SHROOM2: variants seen among roughly 807,000 people sequenced by gnomAD.
SHROOM2 encodes the protein shroom family member 2.
Under a neutral mutation model 75.9 loss-of-function variants are expected in SHROOM2, and 33 were observed. The observed-to-expected ratio is 0.43, with a 90% confidence interval of 0.33 to 0.58. The LOEUF (loss-of-function observed/expected upper bound fraction) is 0.58. SHROOM2 is among the 20% of genes least tolerant of loss of function. SHROOM2 has a pLI of 0.04. For missense variants in SHROOM2, 1,434 were observed against 1,461.2 expected (o/e 0.98, Z 0.30); for synonymous variants, 655 against 663.6 (o/e 0.99, Z 0.20).
intron 6 of SHROOM2, among the ~76,000 whole-genome samples, chrX:9,936,247 G>A (rs2084704610): frequency 9.1e-6 from 1 of 109,937 alleles, no homozygotes; most frequent in Admixed American, 9.7e-5. Context: ...GAGTAGGTGG[G>A]ATTACAGGTG....
At chrX:9,811,414 A>T (rs1167447353) in intron 1 of SHROOM2, among the ~76,000 whole-genome samples, 1 of 112,060 alleles carries the variant, frequency 8.9e-6, no homozygotes, top group African/African-American at 3.2e-5. Context: ...TATCCAGTTG[A>T]TTATTAAAAT....
intron 1 of SHROOM2, among the ~76,000 whole-genome samples, chrX:9,859,537 C>T (rs138392388): frequency 3.4e-3 from 381 of 111,452 alleles, no homozygotes; most frequent in African/African-American, 0.012. Flanking sequence ...TGTACAGAGT[C>T]CCTTGGTGGA....
At chrX:9,842,180 G>C (rs2083982637) in intron 1 of SHROOM2, among the ~76,000 whole-genome samples, 1 of 111,504 alleles carries the variant, frequency 9.0e-6, no homozygotes, top group Non-Finnish European at 1.9e-5. Context: ...AACTTCCTGA[G>C]ATTCATTTCT....
intron 1 of SHROOM2, chrX:9,865,554 C>CTTTTT (rs56790591): frequency 3.5e-4 from 15 of 42,610 alleles, no homozygotes; most frequent in African/African-American, 1.1e-3. Context: ...TTCCTGCTGC[C>CTTTTT]TTTTTTTTTT....
chrX:9,913,564 C>G (rs903689230), intron 5 of SHROOM2, among the ~76,000 whole-genome samples: 2 of 112,147 alleles, frequency 1.8e-5, no homozygotes, highest in Admixed American at 9.5e-5. Context: ...TGCAGAGGGT[C>G]GATGGCATTT....
chrX:9,840,810 T>A (rs904608137), intron 1 of SHROOM2, among the ~76,000 whole-genome samples: 1 of 112,075 alleles, frequency 8.9e-6, no homozygotes. Flanking sequence ...CCCCCCTCAC[T>A]TCTTTATACT....
At chrX:9,903,757 C>T (rs2084377094) in intron 5 of SHROOM2, among the ~76,000 whole-genome samples, 1 of 110,506 alleles carries the variant, frequency 9.0e-6, no homozygotes, top group Non-Finnish European at 1.9e-5. Flanking sequence ...GTTGCCCAAG[C>T]TGGTCTTGAA....
chrX:9,823,074 C>CT (rs1555924325), intron 1 of SHROOM2, among the ~76,000 whole-genome samples: 1 of 20,187 alleles, frequency 5.0e-5, no homozygotes, highest in Non-Finnish European at 1.1e-4. Context: ...TCCTCCTCCT[C>CT]CCTTCTCCCT....
intron 1 of SHROOM2, among the ~76,000 whole-genome samples, chrX:9,851,266 C>T (rs2084037923): frequency 9.0e-6 from 1 of 110,907 alleles, no homozygotes. Context: ...GCCTTGGCTT[C>T]TCTAAGTATT....
At chrX:9,921,106 G>T (rs1404843798) in intron 5 of SHROOM2, among the ~76,000 whole-genome samples, 2 of 111,094 alleles carry the variant, frequency 1.8e-5, no homozygotes, top group Non-Finnish European at 3.8e-5. Context: ...CCATATGTCT[G>T]TTGGCAGGAG....
intron 1 of SHROOM2, among the ~76,000 whole-genome samples, chrX:9,799,657 T>C (rs895251412): frequency 1.8e-5 from 2 of 110,737 alleles, no homozygotes; most frequent in Non-Finnish European, 3.8e-5. Flanking sequence ...TGCCATCTAC[T>C]AGAAGGTTGG....
At chrX:9,929,942 T>G (rs1280968553) in intron 5 of SHROOM2, among the ~76,000 whole-genome samples, 6 of 111,304 alleles carry the variant, frequency 5.4e-5, no homozygotes. Flanking sequence ...TCCTCCGTTT[T>G]CTCTTGCCAC....
intron 5 of SHROOM2, among the ~76,000 whole-genome samples, chrX:9,920,268 T>C (rs2084533451): frequency 1.8e-5 from 2 of 112,608 alleles, no homozygotes; most frequent in Admixed American, 1.9e-4. Flanking sequence ...CACTGAGTTT[T>C]ATGGTCTGTG....
At chrX:9,930,989 C>T (rs1368887999) in intron 5 of SHROOM2, among the ~76,000 whole-genome samples, 2 of 109,858 alleles carry the variant, frequency 1.8e-5, no homozygotes, top group Non-Finnish European at 3.8e-5. Flanking sequence ...GTGATCCACC[C>T]GCCTCGGCCT....
chrX:9,855,489 G>A (rs2084064448), intron 1 of SHROOM2, among the ~76,000 whole-genome samples: 1 of 109,983 alleles, frequency 9.1e-6, no homozygotes, highest in Non-Finnish European at 1.9e-5. Flanking sequence ...ATGGAAAATA[G>A]CTGATGCCCC....
At chrX:9,790,775 G>A (rs186956278) in intron 1 of SHROOM2, among the ~76,000 whole-genome samples, 22 of 111,684 alleles carry the variant, frequency 2.0e-4, no homozygotes, top group African/African-American at 6.2e-4. Flanking sequence ...TGGTAGGCCC[G>A]CCTTGCCAAC....
At chrX:9,840,004 A>C (rs1446411155) in intron 1 of SHROOM2, among the ~76,000 whole-genome samples, 2 of 111,686 alleles carry the variant, frequency 1.8e-5, no homozygotes, top group Non-Finnish European at 3.8e-5. Flanking sequence ...TCACTTTATC[A>C]TGGATGGGAA....
At chrX:9,883,378 G>C (rs1337673974) in intron 2 of SHROOM2, among the ~76,000 whole-genome samples, 3 of 112,257 alleles carry the variant, frequency 2.7e-5, no homozygotes, top group African/African-American at 9.7e-5. Context: ...GAACAGTAGA[G>C]GGGGAGGCTT....
At chrX:9,833,730 C>T (rs985408020) in intron 1 of SHROOM2, among the ~76,000 whole-genome samples, 4 of 110,097 alleles carry the variant, frequency 3.6e-5, no homozygotes, top group Non-Finnish European at 7.6e-5. Context: ...AGAAATACAG[C>T]CTAGACCATT....
Sources: allele counts gnomAD v4.1 joint callset (sites outside exome capture counted in the v4.1 genomes callset), GRCh38; gene constraint gnomAD v4.1.1; transcripts MANE v1.5; gene names NCBI Gene and HGNC (gene_info 2026-07-23, HGNC 2026-07-21).